The following NRXN1 variants were observed in gnomAD, a reference collection of about 807,000 sequenced individuals.
The protein encoded by NRXN1 is neurexin-1.
In NRXN1, 39 loss-of-function variants were observed where a neutral mutation model predicts 150.9. That is an observed-to-expected ratio of 0.26 (90% CI 0.20 to 0.34). The LOEUF (loss-of-function observed/expected upper bound fraction) is 0.34, where lower values mean the gene tolerates loss of function less well. NRXN1 is among the 10% of genes least tolerant of loss of function. NRXN1 has a pLI of 1.00. For missense variants in NRXN1, 1,815 were observed against 1,949.9 expected (o/e 0.93, Z 1.30); for synonymous variants, 924 against 757.0 (o/e 1.22, Z -3.62).
At chr2:50,277,204 C>A (rs2070607423) in intron 17 of NRXN1, among the ~76,000 whole-genome samples, 1 of 152,144 alleles carries the variant, frequency 6.6e-6, no homozygotes, top group African/African-American at 2.4e-5. Context: ...TCAGGAGCCA[C>A]AAAACAACAG....
chr2:50,924,599 T>C (rs542192063), intron 3 of NRXN1, among the ~76,000 whole-genome samples: 6 of 151,732 alleles, frequency 4.0e-5, no homozygotes, highest in Non-Finnish European at 7.4e-5. Flanking sequence ...TCAAAAGATA[T>C]TAGGCCTGCA....
chr2:50,335,904 T>C (rs63445863), intron 17 of NRXN1, among the ~76,000 whole-genome samples: 1,801 of 145,482 alleles, frequency 0.012, 33 homozygotes, highest in African/African-American at 0.044. Context: ...TTTTTTTTTT[T>C]CCAGAGCAGA....
chr2:50,442,540 C>A (rs1208038490), intron 17 of NRXN1, among the ~76,000 whole-genome samples: 1 of 151,942 alleles, frequency 6.6e-6, no homozygotes. Flanking sequence ...GAGGGAAGTA[C>A]CAGGACTTCA....
At chr2:50,499,640 T>C (rs904259692) in intron 13 of NRXN1, among the ~76,000 whole-genome samples, 4 of 152,168 alleles carry the variant, frequency 2.6e-5, no homozygotes, top group Middle Eastern at 6.8e-3. Flanking sequence ...CTAAGTACAA[T>C]GAAGAATATG....
At chr2:49,998,471 A>G (rs1683362719) in intron 21 of NRXN1, among the ~76,000 whole-genome samples, 1 of 152,094 alleles carries the variant, frequency 6.6e-6, no homozygotes, top group Admixed American at 6.6e-5. Context: ...TTTTTTTAGA[A>G]ACGTCAAACT....
At chr2:50,812,095 G>A (rs3850338) in intron 5 of NRXN1, among the ~76,000 whole-genome samples, 6,800 of 151,842 alleles carry the variant, frequency 0.045, 285 homozygotes, top group Admixed American at 0.14. Flanking sequence ...AAACTTAACT[G>A]TACTTTTCAA....
chr2:50,320,814 G>A (rs2075984603), intron 17 of NRXN1, among the ~76,000 whole-genome samples: 1 of 152,142 alleles, frequency 6.6e-6, no homozygotes, highest in African/African-American at 2.4e-5. Context: ...ACACTTTGAA[G>A]TCTGGCTGTT....
chr2:50,648,968 C>T (rs74633434), intron 5 of NRXN1, among the ~76,000 whole-genome samples: 1,831 of 151,984 alleles, frequency 0.012, 26 homozygotes, highest in African/African-American at 0.042. Context: ...AAATTCATGG[C>T]CTTTGGGTTT....
intron 22 of NRXN1, among the ~76,000 whole-genome samples, chr2:49,933,042 A>G (rs1472498055): frequency 6.6e-6 from 1 of 152,066 alleles, no homozygotes; most frequent in Non-Finnish European, 1.5e-5. Flanking sequence ...AAGTGTAAAA[A>G]CACTTAGCAC....
rs543069786 is a variant in NRXN1, at chr2:49,949,588, A to C, written c.4129-5797T>G. Among the ~76,000 whole-genome samples the C allele has an allele frequency of 2.6e-5, 4 of 152,038 alleles. No homozygotes were observed. The South Asian group carries it at 8.3e-4, about 32-fold the overall frequency. On this transcript the variant is annotated intron_variant, in intron 21 of 22. Transcript: ENST00000401669. ...GAGCAATTTCCAATTGTAAAATAGG[A>C]TATTCATTGTCAGTATATGATACCC...
intron 2 of NRXN1, among the ~76,000 whole-genome samples, chr2:50,935,937 C>T (rs1359431933): frequency 6.6e-6 from 1 of 152,004 alleles, no homozygotes; most frequent in Non-Finnish European, 1.5e-5. Context: ...AGAATGCTGG[C>T]CTGCTCCAAA....
intron 1 of NRXN1, among the ~76,000 whole-genome samples, chr2:51,030,920 T>TA (rs940137846): frequency 5.3e-5 from 8 of 151,968 alleles, no homozygotes; most frequent in Non-Finnish European, 8.8e-5. Context: ...TGGAGCCAAT[T>TA]ATTGTATTAA....
chr2:50,638,042 C>G (rs1212657564), intron 5 of NRXN1, among the ~76,000 whole-genome samples: 2 of 152,116 alleles, frequency 1.3e-5, no homozygotes, highest in East Asian at 3.9e-4. Flanking sequence ...AAGCTAAACA[C>G]AGAATTATAA....
chr2:50,773,062 A>G (rs1380035045), intron 5 of NRXN1, among the ~76,000 whole-genome samples: 3 of 152,172 alleles, frequency 2.0e-5, no homozygotes, highest in African/African-American at 7.2e-5. Flanking sequence ...AGATCCCAGT[A>G]ACAAGCTGTC....
At chr2:50,437,096 T>TA (rs2085512363) in intron 17 of NRXN1, among the ~76,000 whole-genome samples, 1 of 152,322 alleles carries the variant, frequency 6.6e-6, no homozygotes, top group African/African-American at 2.4e-5. Context: ...CAAGCACACC[T>TA]ACTTTCAAGC....
intron 5 of NRXN1, among the ~76,000 whole-genome samples, chr2:50,655,614 C>T (rs1023065477): frequency 4.6e-5 from 7 of 151,174 alleles, no homozygotes; most frequent in African/African-American, 1.7e-4. Context: ...GAACAAACTA[C>T]TTATGAATGA....
chr2:50,076,177 G>A (rs1015277010), intron 19 of NRXN1, among the ~76,000 whole-genome samples: 8 of 152,102 alleles, frequency 5.3e-5, no homozygotes, highest in African/African-American at 2.4e-5. Context: ...GGACAGAAGC[G>A]GTACTGCACT....
At chr2:50,468,264 A>G (rs1426926927) in intron 16 of NRXN1, among the ~76,000 whole-genome samples, 1 of 151,638 alleles carries the variant, frequency 6.6e-6, no homozygotes, top group East Asian at 1.9e-4. Flanking sequence ...CAATCTTAGA[A>G]AAATAATCTG....
At position 50,543,287 on chromosome 2, in the gene NRXN1, T is replaced by C. The variant is rs536408694; in HGVS notation, c.1760-4651A>G. On this transcript the variant is annotated intron_variant, in intron 9 of 22. Transcript: ENST00000401669. ...ATTAACAAAATATTTTATGTAAACA[T>C]TGTTACATTAAGGCTCCTAAAATTG... Among the ~76,000 whole-genome samples the C allele has an allele frequency of 4.5e-4, 69 of 152,222 alleles. No individual in the cohort carries two copies. In the South Asian group the frequency reaches 7.5e-3, roughly 16 times the overall value.
Sources: allele counts gnomAD v4.1 joint callset (sites outside exome capture counted in the v4.1 genomes callset), GRCh38; gene constraint gnomAD v4.1.1; transcripts MANE v1.5; gene names NCBI Gene and HGNC (gene_info 2026-07-23, HGNC 2026-07-21).